The following DRGX variants were observed in gnomAD, a reference collection of about 807,000 sequenced individuals.
DRGX encodes the protein dorsal root ganglia homeobox protein.
DRGX carries 21 observed loss-of-function variants against 28.6 expected under a neutral mutation model. The observed-to-expected ratio is 0.73, with a 90% CI of 0.52 to 1.06. The LOEUF (loss-of-function observed/expected upper bound fraction) is 1.06. Ranked by LOEUF, DRGX falls within the 50% of genes least tolerant of loss-of-function variation. The probability of loss-of-function intolerance (pLI) is 0.00; values close to 1 mark genes in which losing one functional copy is unlikely to be tolerated. For missense variants in DRGX, 354 were observed against 343.9 expected, an observed-to-expected ratio of 1.03 and a Z score of -0.23; for synonymous variants, 136 against 139.1, an observed-to-expected ratio of 0.98 and a Z score of 0.16.
intron 4 of DRGX, 28 bp from the exon 5 acceptor site, chr10:49,386,886 A>G: frequency 6.6e-7 from 1 of 1,516,770 alleles, no homozygotes; most frequent in Non-Finnish European, 8.8e-7. Flanking sequence ...ACATACACCC[A>G]GTGAAAATCA....
At chr10:49,367,345 A>G (rs561266282) in intron 6 of DRGX, among the ~76,000 whole-genome samples, 5 of 152,334 alleles carry the variant, frequency 3.3e-5, no homozygotes, top group Admixed American at 3.3e-4. Flanking sequence ...CCTGGGCAAC[A>G]GAGCAAGTCC....
Position 49,364,309 on chromosome 10 carries a change from T to A in DRGX, c.*1807A>T, listed in dbSNP as rs913622802. The A allele has an allele frequency of 1.3e-5, 2 of 152,246 alleles. No individual in the cohort carries two copies. Among genetic ancestry groups the A allele is most frequent in the Non-Finnish European group, 2.9e-5 (2 of 68,034 alleles). The allele number at this position is 152,246 out of a possible 1,614,324, so 9.4% of individuals were successfully genotyped here. On this transcript the variant is annotated 3_prime_UTR_variant, in exon 7 of 7. Coordinates refer to ENST00000374139, the MANE Select transcript of DRGX (RefSeq NM_001276451.2). ...GTGCTTCGTGGTAATACATAATTTC[T>A]TATCAATTATTCATGCTAATGTGTG...
In DRGX at chr10:49,391,187, G is replaced by T; in HGVS notation, c.109C>A (p.Arg37=). ...ACCTGCTGAAGAGTGAACGTCGTCC[G>T]GTTCCGGCGCTGTTTTCTACGCAGA... ...GFLRRKQRRN[R]TTFTLQQLEA... The change falls in exon 3 of 7, where the codon CGG becomes AGG. Residue 37 remains arginine, a synonymous_variant. Coordinates refer to ENST00000374139, the MANE Select transcript of DRGX (RefSeq NM_001276451.2). 1 of 1,613,266 alleles carries T rather than the reference G, an allele frequency of 6.2e-7. No individual in the cohort carries two copies. Among genetic ancestry groups the T allele is most frequent in the Non-Finnish European group, 8.5e-7 (1 of 1,179,620 alleles).
At chr10:49,369,477 C>G (rs1849631943) in intron 6 of DRGX, among the ~76,000 whole-genome samples, 1 of 152,164 alleles carries the variant, frequency 6.6e-6, no homozygotes, top group South Asian at 2.1e-4. Flanking sequence ...AGACAGTATG[C>G]TAAGTGAAAT....
At chr10:49,370,108 C>A (rs1046305754) in intron 6 of DRGX, among the ~76,000 whole-genome samples, 4 of 152,114 alleles carry the variant, frequency 2.6e-5, no homozygotes, top group African/African-American at 9.7e-5. Flanking sequence ...GTGCACTGAG[C>A]AACAAGAGTC....
intron 4 of DRGX, among the ~76,000 whole-genome samples, chr10:49,387,384 C>T (rs891711477): frequency 9.9e-5 from 15 of 152,114 alleles, no homozygotes; most frequent in African/African-American, 3.4e-4. Flanking sequence ...CTGGGTCAGG[C>T]GTGGTGGCTC....
At chr10:49,391,785 A>G (rs1267867364) in intron 2 of DRGX, 9 of 494,848 alleles carry the variant, frequency 1.8e-5, no homozygotes, top group East Asian at 6.0e-5. Context: ...CTTTTCTCTT[A>G]TAAGTGCAGA....
chr10:49,370,212 C>G (rs1193129452), intron 6 of DRGX, among the ~76,000 whole-genome samples: 3 of 152,240 alleles, frequency 2.0e-5, no homozygotes, highest in Admixed American at 2.0e-4. Flanking sequence ...CGAGACCAGC[C>G]TGACCAATAT....
chr10:49,366,509 GAGA>G, intron 6 of DRGX, 128 bp from the exon 7 acceptor site: 2 of 1,355,560 alleles, frequency 1.5e-6, no homozygotes, highest in Non-Finnish European at 2.0e-6. Flanking sequence ...ATACTAAAGG[GAGA>G]AGGACAAGTG....
At chr10:49,369,797 G>T (rs1849635579) in intron 6 of DRGX, among the ~76,000 whole-genome samples, 1 of 151,520 alleles carries the variant, frequency 6.6e-6, no homozygotes, top group Non-Finnish European at 1.5e-5. Context: ...TAAGTGTGCT[G>T]GCCAGAGGGG....
chr10:49,372,303 G>A (rs774791486), intron 6 of DRGX, among the ~76,000 whole-genome samples: 3 of 152,136 alleles, frequency 2.0e-5, no homozygotes, highest in African/African-American at 2.4e-5. Flanking sequence ...TCCTATAAAC[G>A]AGTGACAATA....
intron 6 of DRGX, among the ~76,000 whole-genome samples, chr10:49,381,487 C>T: frequency 6.6e-6 from 1 of 152,272 alleles, no homozygotes; most frequent in East Asian, 1.9e-4. Context: ...CAGCACCAAC[C>T]CTGCTGTGCT....
chr10:49,394,925 G>T (rs1305653220), intron 2 of DRGX, among the ~76,000 whole-genome samples: 4 of 152,252 alleles, frequency 2.6e-5, no homozygotes, highest in Non-Finnish European at 5.9e-5. Context: ...CAGGGCGGAA[G>T]AGGCCCCTGC....
intron 6 of DRGX, among the ~76,000 whole-genome samples, chr10:49,379,418 GT>G (rs1483299019): frequency 1.3e-5 from 2 of 152,162 alleles, no homozygotes; most frequent in African/African-American, 4.8e-5. Flanking sequence ...TATAAAAATT[GT>G]TTTTTAAATT....
Position 49,386,477 on chromosome 10 carries a change from C to T in DRGX, c.526+1G>A, listed in dbSNP as rs1318073801. ...ACCAGCCCAGCCGAACCCAAACTCACCTTTGAGGGAAGCCACATGGGACAA... is the reference window on the plus strand; with the variant it reads ...ACCAGCCCAGCCGAACCCAAACTCATCTTTGAGGGAAGCCACATGGGACAA... On this transcript the variant is annotated splice_donor_variant, in intron 6 of 6. Transcript: ENST00000374139. LOFTEE classifies it high-confidence loss of function. The T allele has an allele frequency of 6.4e-7, 1 of 1,562,044 alleles. No individual in the cohort carries two copies. Among genetic ancestry groups the T allele is most frequent in the Non-Finnish European group, 8.7e-7 (1 of 1,154,894 alleles).
In DRGX at chr10:49,386,513, T is replaced by A; in HGVS notation, c.491A>T (p.Tyr164Phe). ...AGCCACATGGGACAAGGCCTGGGCG[T>A]AGGTGGCCGTGTTCAGGAGAGTCCC... ...LPGTLLNTAT[Y>F]AQALSHVASL... is the part of the protein sequence containing the mutation. The change falls in exon 6 of 7, where the codon TAC becomes TTC. Residue 164 changes from tyrosine (Y) to phenylalanine (F), a missense_variant. Coordinates refer to ENST00000374139, the MANE Select transcript of DRGX (RefSeq NM_001276451.2). The A allele has an allele frequency of 6.3e-7, 1 of 1,586,778 alleles. No homozygotes were observed. Among genetic ancestry groups the A allele is most frequent in the Non-Finnish European group, 8.6e-7 (1 of 1,166,662 alleles).
At chr10:49,390,362 A>T (rs1849887819) in intron 3 of DRGX, 128 bp from the exon 4 acceptor site, 4 of 776,436 alleles carry the variant, frequency 5.2e-6, no homozygotes, top group Admixed American at 3.1e-5. Context: ...AAGGACAGGG[A>T]GAAGAGAGCT....
chr10:49,376,522 C>A (rs1391499495), intron 6 of DRGX, among the ~76,000 whole-genome samples: 3 of 152,172 alleles, frequency 2.0e-5, no homozygotes, highest in Admixed American at 6.5e-5. Context: ...GAAGCAGAAA[C>A]CTCTGCCTCA....
rs946572238 is a variant in DRGX, at chr10:49,386,791, C to T, written c.302G>A (p.Gly101Glu). 1.2e-5 allele frequency: 20 copies of T among 1,608,860 alleles called. No homozygotes were observed. The highest frequency in any genetic ancestry group is 1.6e-5 in the Non-Finnish European group (19 of 1,177,770). ...CACCTCTGCCATGGGCTCCTTGGCT[C>T]CTGGCTCCTGGTCTGAGGCCCCTCT... ...TERGASDQEP[G>E]AKEPMAEVTP... is the part of the protein sequence containing the mutation. The change falls in exon 5 of 7, where the codon GGA becomes GAA. Residue 101 changes from glycine (G) to glutamate (E), a missense_variant. Coordinates refer to ENST00000374139, the MANE Select transcript of DRGX (RefSeq NM_001276451.2).
Sources: gnomAD v4.1 joint callset for allele counts (sites outside exome capture counted in the v4.1 genomes callset) on GRCh38, gnomAD v4.1.1 for gene constraint, MANE v1.5 for transcripts, NCBI Gene and HGNC (gene_info 2026-07-23, HGNC 2026-07-21) for gene names.